USP42: variants seen among roughly 807,000 people sequenced by gnomAD.
USP42 encodes ubiquitin specific peptidase 42.
In USP42, 23 loss-of-function variants were observed where a neutral mutation model predicts 113.0. The ratio of observed to expected loss-of-function variants is 0.20; its 90% CI spans 0.15 to 0.29. The LOEUF (loss-of-function observed/expected upper bound fraction) is 0.29. Ranked by LOEUF, USP42 falls within the 10% of genes least tolerant of loss-of-function variation. USP42 has a pLI of 1.00. For missense variants in USP42, 2,174 were observed against 1,779.8 expected, an observed-to-expected ratio of 1.22 and a Z score of -3.99; for synonymous variants, 933 against 699.0, an observed-to-expected ratio of 1.33 and a Z score of -5.28.
chr7:6,135,249 T>TCTTTGTTTTGGGCA (rs1301356998), intron 3 of USP42, among the ~76,000 whole-genome samples: 1 of 152,216 alleles, frequency 6.6e-6, no homozygotes, highest in Non-Finnish European at 1.5e-5. Flanking sequence ...ATTATGTGTC[T>TCTTTGTTTTGGGCA]GTCCCATAAT....
At chr7:6,147,155 A>C (rs899453085) in intron 11 of USP42, among the ~76,000 whole-genome samples, 2 of 152,250 alleles carry the variant, frequency 1.3e-5, no homozygotes, top group African/African-American at 4.8e-5. Flanking sequence ...GCTGAAGCAC[A>C]GATGATGATC....
intron 14 of USP42, chr7:6,153,102 A>G (rs1255454720): frequency 4.6e-6 from 1 of 217,318 alleles, no homozygotes; most frequent in African/African-American, 2.4e-5. Context: ...GTGAAACCCC[A>G]TCTCTACTAA....
chr7:6,159,144 C>G lies in USP42; in HGVS notation c.3944-306C>G, dbSNP rs892284768. On this transcript the variant is annotated intron_variant, in intron 16 of 17. Coordinates refer to ENST00000306177, the MANE Select transcript of USP42 (RefSeq NM_032172.3). This position sits in a 1 kb window ranked among gnomAD's most constrained non-coding sequence, Gnocchi z 4.1. ...ACTTCGGCCCCTTGTCTTTCTCTTT[C>G]AAACTCCTCCTCTGGCTCTGTTCCG... Among the ~76,000 whole-genome samples the G allele has an allele frequency of 2.6e-4, 40 of 152,332 alleles. No individual in the cohort carries two copies. Among genetic ancestry groups the G allele is most frequent in the African/African-American group, 9.1e-4 (38 of 41,584 alleles).
At chr7:6,147,627 AT>A (rs970294044) in intron 11 of USP42, 111 bp from the exon 12 acceptor site, 1 of 1,277,754 alleles carries the variant, frequency 7.8e-7, no homozygotes, top group Non-Finnish European at 1.1e-6. Context: ...TAAACATGCT[AT>A]TTTTTTCATC....
chr7:6,090,123 A>AACCCCC, the USP42 span, among the ~76,000 whole-genome samples: 1 of 147,156 alleles, frequency 6.8e-6, no homozygotes, highest in Non-Finnish European at 1.5e-5. Context: ...AACATGGAGA[A>AACCCCC]ACCCCCGCCT....
At chr7:6,085,039 G>C in the USP42 span, 1 of 151,118 alleles carries the variant, frequency 6.6e-6, no homozygotes, top group Non-Finnish European at 1.5e-5. Context: ...AAGTGTAACT[G>C]ATCCACCCTA....
At chr7:6,123,703 C>G (rs1351729010) in intron 3 of USP42, among the ~76,000 whole-genome samples, 1 of 151,708 alleles carries the variant, frequency 6.6e-6, no homozygotes, top group Non-Finnish European at 1.5e-5. Flanking sequence ...AAAAAATTAG[C>G]TAGGCGTGGT....
chr7:6,155,107 G>T lies in USP42; in HGVS notation c.3553G>T (p.Asp1185Tyr). 6.4e-7 allele frequency: 1 copy of T among 1,559,254 alleles called. No individual in the cohort carries two copies. Among genetic ancestry groups the T allele is most frequent in the Non-Finnish European group, 8.7e-7 (1 of 1,151,718 alleles). The change falls in exon 15 of 18, where the codon GAT becomes TAT. Residue 1185 changes from aspartate (D) to tyrosine (Y), a missense_variant. Transcript: ENST00000306177. ...GAAAGCCCGGAGGAGCGAACAGAAGGATCCTCTAGAAGAGCCTAAAGCAAA... is the reference window on the plus strand; with the variant it reads ...GAAAGCCCGGAGGAGCGAACAGAAGTATCCTCTAGAAGAGCCTAAAGCAAA... Reference protein sequence around the residue: ...EKKARRSEQKDPLEEPKAKKH... With the variant: ...EKKARRSEQKYPLEEPKAKKH...
At chr7:6,092,031 TC>T in the USP42 span, among the ~76,000 whole-genome samples, 25 of 110,972 alleles carry the variant, frequency 2.3e-4, no homozygotes, top group African/African-American at 7.3e-4. Context: ...TTCTTCTTCT[TC>T]TTCTTCTTCT....
At chr7:6,105,413 C>T (rs1054753248) in intron 1 of USP42, among the ~76,000 whole-genome samples, 1 of 149,184 alleles carries the variant, frequency 6.7e-6, no homozygotes, top group Non-Finnish European at 1.5e-5. Flanking sequence ...AGGCTCGGGG[C>T]GGCCGGGGTG....
In USP42 at chr7:6,153,929, A is replaced by G. The variant is rs769153932; in HGVS notation, c.2375A>G (p.Glu792Gly). Residue 792 changes from glutamate (E) to glycine (G), a missense_variant, in exon 15 of 18, where the codon GAG (glutamate) becomes GGG (glycine). Transcript: ENST00000306177. ...GTPATKEGAWEAMAVAPEEPP... is the reference protein window; with the variant it reads ...GTPATKEGAWGAMAVAPEEPP... ...CCCGCTACCAAAGAAGGCGCCTGGGAGGCCATGGCCGTCGCCCCCGAGGAG... is the reference window on the plus strand; with the variant it reads ...CCCGCTACCAAAGAAGGCGCCTGGGGGGCCATGGCCGTCGCCCCCGAGGAG... 6.3e-7 allele frequency: 1 copy of G among 1,599,938 alleles called. No homozygotes were observed. Among genetic ancestry groups the G allele is most frequent in the Non-Finnish European group, 8.5e-7 (1 of 1,175,658 alleles).
the USP42 span, among the ~76,000 whole-genome samples, chr7:6,093,283 C>G: frequency 6.9e-6 from 1 of 144,970 alleles, no homozygotes; most frequent in Non-Finnish European, 1.5e-5. Context: ...TTCTTTTCTT[C>G]TCTCTCTTTT....
rs1056078034 is a variant in USP42, at chr7:6,160,295, G to T, written c.*37-260G>T. The stretch of plus-strand genomic sequence containing the variant: ...CCCTAATTAAGGAGCTAAACTTCCT[G>T]AGTGAGGGGCTGTGAGGATGGAGGT... On this transcript the variant is annotated intron_variant, in intron 17 of 17. Transcript: ENST00000306177. Among the ~76,000 whole-genome samples, 8 of 152,234 alleles carry T rather than the reference G, an allele frequency of 5.3e-5. No individual in the cohort carries two copies. The East Asian group carries it at 1.3e-3, about 26-fold the overall frequency.
chr7:6,114,840 G>A (rs1445814979), intron 2 of USP42, among the ~76,000 whole-genome samples: 2 of 150,714 alleles, frequency 1.3e-5, no homozygotes, highest in African/African-American at 2.4e-5. Flanking sequence ...ACAGGTGCCC[G>A]TCACCGCGCC....
In USP42 at chr7:6,156,755, C is replaced by G. The variant is rs777540152; in HGVS notation, c.3643C>G (p.His1215Asp). ...GAATTCTGGCTTTTCCTTCTGCAGG[C>G]ATCAGCAGGACTCAGACCTCTCAGC... ...KDKHRDRDSR[H>D]QQDSDLSAAC... is the part of the protein sequence containing the mutation. The change falls in exon 16 of 18, where the codon CAT becomes GAT. Residue 1215 changes from histidine to aspartate, a missense_variant and splice_region_variant. His to Asp is a moderately conservative substitution (Grantham distance 81). Coordinates refer to ENST00000306177, the MANE Select transcript of USP42 (RefSeq NM_032172.3). The G allele has an allele frequency of 7.2e-6, 11 of 1,534,932 alleles. No homozygotes were observed. The highest frequency in any genetic ancestry group is 9.6e-6 in the Non-Finnish European group (11 of 1,145,882).
Position 6,154,998 on chromosome 7 carries a change from T to C in USP42, c.3444T>C (p.Ser1148=). The C allele has an allele frequency of 6.4e-7, 1 of 1,564,600 alleles. No individual in the cohort carries two copies. The highest frequency in any genetic ancestry group is 8.7e-7 in the Non-Finnish European group (1 of 1,154,230). The change falls in exon 15 of 18, where the codon TCT becomes TCC. Residue 1148 remains serine, a synonymous_variant. Coordinates refer to ENST00000306177, the MANE Select transcript of USP42 (RefSeq NM_032172.3). ...TAGCCGGAGACAACTGTAACCTCTC[T>C]GATCGGTTTCACGAACACGAAAATG... is the stretch of plus-strand genomic sequence containing the variant. ...ALVAGDNCNL[S]DRFHEHENGK...
chr7:6,135,651 CAAAAAAAAAAAAAA>C lies in USP42; in HGVS notation c.443-177_443-164del, dbSNP rs1173165919. On this transcript the variant is annotated intron_variant, in intron 3 of 17. Coordinates refer to ENST00000306177, the MANE Select transcript of USP42 (RefSeq NM_032172.3). ...TGGGTGACAGAGTGAGACTCCATCT[CAAAAAAAAAAAAAA>C]AAAAAAAAAAAAGAACAAAAAAAAG... Among the ~76,000 whole-genome samples, 13 of 16,162 alleles carry C rather than the reference CAAAAAAAAAAAAAA, an allele frequency of 8.0e-4. 1 individual carries two copies. The East Asian group carries it at 0.013, about 16-fold the overall frequency. The allele number at this position is 16,162 out of a possible 152,430, so 10.6% of individuals were successfully genotyped here.
chr7:6,139,457 T>A lies in USP42; in HGVS notation c.656+263T>A, dbSNP rs987198066. 1 of 333,302 alleles carries A rather than the reference T, an allele frequency of 3.0e-6. No homozygotes were observed. The highest frequency in any genetic ancestry group is 2.2e-5 in the African/African-American group (1 of 46,444). The allele number at this position is 333,302 out of a possible 1,614,324, so 20.6% of individuals were successfully genotyped here. On this transcript the variant is annotated intron_variant, in intron 5 of 17. Coordinates refer to ENST00000306177, the MANE Select transcript of USP42 (RefSeq NM_032172.3). This position sits in a 1 kb window ranked among gnomAD's most constrained non-coding sequence, Gnocchi z 4.5. ...ACATTGGTCTTGCAGCTATTTAATT[T>A]CTCATTATCAGCAGACGTCTGCAGA...
At chr7:6,152,985 T>C (rs572701246) in intron 14 of USP42, 81 of 985,130 alleles carry the variant, frequency 8.2e-5, no homozygotes, top group Admixed American at 6.2e-4. Context: ...ACTAGAGGAA[T>C]TGCGGCCAGG....
Sources: gnomAD v4.1 joint callset for allele counts (sites outside exome capture counted in the v4.1 genomes callset) on GRCh38, gnomAD v4.1.1 for gene constraint, Gnocchi (gnomAD v3.1) non-coding constraint, MANE v1.5 for transcripts, NCBI Gene and HGNC (gene_info 2026-07-23, HGNC 2026-07-21) for gene names.